Variants in PANX1 observed in about 807,000 individuals in gnomAD.
PANX1 encodes pannexin-1.
In PANX1, 30 loss-of-function variants were observed where a neutral mutation model predicts 38.7. That is an observed-to-expected ratio of 0.78 (90% CI 0.58 to 1.05). The LOEUF (loss-of-function observed/expected upper bound fraction) is 1.05, where lower values mean the gene tolerates loss of function less well. PANX1 is among the 50% of genes least tolerant of loss of function. The pLI, the probability that PANX1 is intolerant of heterozygous loss-of-function variation, is 0.00. For synonymous variants in PANX1, 230 were observed against 212.2 expected (o/e 1.08, Z -0.73); for missense variants, 551 against 517.2 (o/e 1.07, Z -0.63).
In PANX1 at chr11:94,154,282, G is replaced by A. The variant is rs1946921338; in HGVS notation, c.321+652G>A. On this transcript the variant is annotated intron_variant, in intron 2 of 4. Coordinates refer to ENST00000227638, the MANE Select transcript of PANX1 (RefSeq NM_015368.4). The stretch of plus-strand genomic sequence containing the variant: ...AGAAGAGGTACATTCTGTAGTCAGG[G>A]AAGTGGTGGTTTGTGCATGCAGGTG... Among the ~76,000 whole-genome samples the A allele has an allele frequency of 2.0e-5, 3 of 152,188 alleles. No homozygotes were observed. The South Asian group carries it at 6.2e-4, about 32-fold the overall frequency.
chr11:94,134,974 A>C (rs754351807), intron 1 of PANX1, among the ~76,000 whole-genome samples: 5 of 152,214 alleles, frequency 3.3e-5, no homozygotes, highest in Non-Finnish European at 7.3e-5. Flanking sequence ...TTCATGTTTA[A>C]GGGGTCTTTT....
chr11:94,180,748 T>C, intron 4 of PANX1, 42 bp from the exon 5 acceptor site: 1 of 1,081,458 alleles, frequency 9.2e-7, no homozygotes, highest in Non-Finnish European at 1.4e-6. Context: ...TGGTAATTCC[T>C]GCTATGTTTC....
intron 1 of PANX1, among the ~76,000 whole-genome samples, chr11:94,146,157 A>G (rs1400654013): frequency 1.3e-5 from 2 of 152,250 alleles, no homozygotes; most frequent in African/African-American, 4.8e-5. Context: ...ACTGAGGGGA[A>G]CATGTCGAAG....
At chr11:94,167,177 T>C (rs1274968666) in intron 2 of PANX1, among the ~76,000 whole-genome samples, 2 of 152,182 alleles carry the variant, frequency 1.3e-5, no homozygotes, top group Non-Finnish European at 2.9e-5. Flanking sequence ...ATACTCATTT[T>C]GCTCTCCCTC....
intron 2 of PANX1, among the ~76,000 whole-genome samples, chr11:94,169,493 C>G (rs1947139273): frequency 6.6e-6 from 1 of 151,572 alleles, no homozygotes. Context: ...CCAGTGTGCC[C>G]TAAACTGTGA....
In PANX1 at chr11:94,175,740, C is replaced by T. The variant is rs377059280; in HGVS notation, c.322-2629C>T. Reference sequence around the variant, plus strand: ...AAGAATTAAATGAACATTCCTTCTCCCCACAGCCAGCTATGAATTATGCAG... The same window carrying T: ...AAGAATTAAATGAACATTCCTTCTCTCCACAGCCAGCTATGAATTATGCAG... On this transcript the variant is annotated intron_variant, in intron 2 of 4. Transcript: ENST00000227638. 8 of 984,542 alleles carry T rather than the reference C, an allele frequency of 8.1e-6. No individual in the cohort carries two copies. In the East Asian group the frequency reaches 4.5e-4, roughly 56 times the overall value. The allele number at this position is 984,542 out of a possible 1,614,324, so 61.0% of individuals were successfully genotyped here.
intron 1 of PANX1, among the ~76,000 whole-genome samples, chr11:94,138,467 C>T (rs989245173): frequency 3.3e-5 from 5 of 151,808 alleles, no homozygotes; most frequent in Admixed American, 1.3e-4. Flanking sequence ...TCCGGTTGTC[C>T]GTTTCCTTTG....
intron 2 of PANX1, among the ~76,000 whole-genome samples, chr11:94,173,278 G>C (rs1301104388): frequency 1.3e-5 from 2 of 151,596 alleles, no homozygotes; most frequent in East Asian, 3.9e-4. Context: ...CCTGTTCGTG[G>C]TCTTCTGGTC....
In PANX1 at chr11:94,180,961, CAATA is replaced by C. The variant is rs1479703581; in HGVS notation, c.*96_*99del. 2.4e-5 allele frequency: 18 copies of C among 754,724 alleles called. No homozygotes were observed. Among genetic ancestry groups the C allele is most frequent in the Non-Finnish European group, 4.3e-5 (18 of 415,390 alleles). The allele number at this position is 754,724 out of a possible 1,614,324, so 46.8% of individuals were successfully genotyped here. On this transcript the variant is annotated 3_prime_UTR_variant, in exon 5 of 5. Coordinates refer to ENST00000227638, the MANE Select transcript of PANX1 (RefSeq NM_015368.4). ...CCCTGTTGGTTTCACAGCTGGTTTG[CAATA>C]AATGGTTCTTGGTGGAGATACTGAG...
At chr11:94,167,023 G>A (rs1490495971) in intron 2 of PANX1, among the ~76,000 whole-genome samples, 1 of 152,182 alleles carries the variant, frequency 6.6e-6, no homozygotes, top group African/African-American at 2.4e-5. Context: ...AAGCCAGCAG[G>A]AGTCACTTTT....
Position 94,178,569 on chromosome 11 carries a change from T to C in PANX1, c.522T>C (p.Gly174=). 1 of 1,613,928 alleles carries C rather than the reference T, an allele frequency of 6.2e-7. No homozygotes were observed. Residue 174 remains glycine (G), a synonymous_variant, in exon 3 of 5, where the codon GGT becomes GGC. Coordinates refer to ENST00000227638, the MANE Select transcript of PANX1 (RefSeq NM_015368.4). ...DMRDGACSVP[G]VTENLGQSLW... is the part of the protein sequence containing the mutation. ...GAGATGGAGCCTGCTCAGTTCCAGG[T>C]GTTACCGAGAACTTAGGGCAAAGGT...
Position 94,150,207 on chromosome 11 carries a change from A to C in PANX1, c.182-3284A>C, listed in dbSNP as rs148995530. 4.1e-4 allele frequency among the ~76,000 whole-genome samples: 63 copies of C among 152,258 alleles called. No homozygotes were observed. The East Asian group carries it at 0.011, about 27-fold the overall frequency. Reference sequence around the variant, plus strand: ...GGGGATCATGTAAGGCATAGATCTGAGTGCATATCAGGCCTATACAAGCCA... The same window carrying C: ...GGGGATCATGTAAGGCATAGATCTGCGTGCATATCAGGCCTATACAAGCCA... On this transcript the variant is annotated intron_variant, in intron 1 of 4. Coordinates refer to ENST00000227638, the MANE Select transcript of PANX1 (RefSeq NM_015368.4).
rs973297582 is a variant in PANX1 at position 94,129,483 on chromosome 11, G to A, written c.171G>A (p.Glu57=). Residue 57 remains glutamate, a synonymous_variant, in exon 1 of 5, where the codon GAG becomes GAA. Transcript: ENST00000227638. ...LLLISLAFAQ[E]ISIGTQISCF... ...TCATCTCGCTGGCCTTCGCGCAGGAGATCTCGATTGGTAAGCCTCGCCCAG... is the reference window on the plus strand; with the variant it reads ...TCATCTCGCTGGCCTTCGCGCAGGAAATCTCGATTGGTAAGCCTCGCCCAG... The A allele has an allele frequency of 3.1e-6, 5 of 1,609,742 alleles. No individual in the cohort carries two copies. The highest frequency in any genetic ancestry group is 4.2e-6 in the Non-Finnish European group (5 of 1,177,302).
At chr11:94,151,472 T>G (rs1946882140) in intron 1 of PANX1, among the ~76,000 whole-genome samples, 1 of 152,192 alleles carries the variant, frequency 6.6e-6, no homozygotes, top group African/African-American at 2.4e-5. Context: ...GCATTATTCA[T>G]TTTCATGAGT....
rs377515306 is a variant in PANX1, at chr11:94,159,558, G to A, written c.321+5928G>A. On this transcript the variant is annotated intron_variant, in intron 2 of 4. Transcript: ENST00000227638. ...TTCTCAGATGGTAGTTTGTATTTCT[G>A]TGGGATCAGTGGTGATATCCCCTTT... is the stretch of plus-strand genomic sequence containing the variant. Among the ~76,000 whole-genome samples, 5 of 152,242 alleles carry A rather than the reference G, an allele frequency of 3.3e-5. No individual in the cohort carries two copies. In the South Asian group the frequency reaches 8.3e-4, roughly 25 times the overall value.
intron 2 of PANX1, among the ~76,000 whole-genome samples, chr11:94,168,556 T>C (rs1313201626): frequency 1.3e-5 from 2 of 151,300 alleles, no homozygotes; most frequent in Admixed American, 6.6e-5. Context: ...AATACTCTTA[T>C]GTCTTATTGC....
chr11:94,173,570 G>A (rs1054428985), intron 2 of PANX1, among the ~76,000 whole-genome samples: 2 of 151,326 alleles, frequency 1.3e-5, no homozygotes, highest in Admixed American at 6.6e-5. Flanking sequence ...CTACACACCC[G>A]GCGTGATCCT....
chr11:94,165,401 G>A (rs1414357482), intron 2 of PANX1, among the ~76,000 whole-genome samples: 1 of 151,576 alleles, frequency 6.6e-6, no homozygotes, highest in African/African-American at 2.4e-5. Context: ...CAACGTGCAG[G>A]TTTGTTACTA....
intron 1 of PANX1, among the ~76,000 whole-genome samples, chr11:94,148,729 G>T (rs920146734): frequency 6.6e-6 from 1 of 152,080 alleles, no homozygotes; most frequent in Admixed American, 6.5e-5. Context: ...ATTTTTTGTT[G>T]TGTAACTTAA....
Sources: gnomAD v4.1 joint callset for allele counts (sites outside exome capture counted in the v4.1 genomes callset) on GRCh38, gnomAD v4.1.1 for gene constraint, MANE v1.5 for transcripts, NCBI Gene and HGNC (gene_info 2026-07-23, HGNC 2026-07-21) for gene names.